Variants in DNAJB14 observed in about 807,000 individuals in gnomAD.
The protein encoded by DNAJB14 is dnaJ homolog subfamily B member 14.
In DNAJB14, 22 loss-of-function variants were observed where a neutral mutation model predicts 48.4. The ratio of observed to expected loss-of-function variants is 0.45; its 90% CI spans 0.32 to 0.65. The LOEUF is 0.65. DNAJB14 is among the 30% of genes least tolerant of loss of function. DNAJB14 has a pLI of 0.03. For missense variants in DNAJB14, 319 were observed against 458.8 expected, an observed-to-expected ratio of 0.70 and a Z score of 2.78; for synonymous variants, 142 against 158.7, an observed-to-expected ratio of 0.89 and a Z score of 0.79.
chr4:99,913,391 T>C (rs866445447), intron 3 of DNAJB14, among the ~76,000 whole-genome samples: 19 of 152,256 alleles, frequency 1.2e-4, no homozygotes, highest in Middle Eastern at 3.4e-3. Flanking sequence ...CATGAATGGG[T>C]GGTGAAATGT....
intron 7 of DNAJB14, 101 bp downstream of exon 7, chr4:99,903,625 G>C (rs1320517006): frequency 4.0e-6 from 5 of 1,258,348 alleles, no homozygotes; most frequent in Non-Finnish European, 5.5e-6. Flanking sequence ...CCAATTATGT[G>C]CCAGGGAATT....
intron 3 of DNAJB14, among the ~76,000 whole-genome samples, chr4:99,914,727 AT>A (rs1725790575): frequency 6.6e-6 from 1 of 152,190 alleles, no homozygotes; most frequent in African/African-American, 2.4e-5. Flanking sequence ...CTACAGGGCT[AT>A]TCACGTTATC....
rs573128133 is a variant in DNAJB14, at chr4:99,916,234, G to C, written c.451+6806C>G. On this transcript the variant is annotated intron_variant, in intron 3 of 7. Transcript: ENST00000442697. Reference sequence around the variant, plus strand: ...GGTCACTGCAGCCTCAACCCCCCAGGCTCAAGTGATTCTCCCACCTCAGCC... The same window carrying C: ...GGTCACTGCAGCCTCAACCCCCCAGCCTCAAGTGATTCTCCCACCTCAGCC... Among the ~76,000 whole-genome samples the C allele has an allele frequency of 1.1e-3, 169 of 152,196 alleles. 1 individual carries two copies. Among genetic ancestry groups the C allele is most frequent in the Non-Finnish European group, 1.7e-3 (117 of 68,004 alleles).
chr4:99,932,837 G>A (rs529841558), intron 1 of DNAJB14, among the ~76,000 whole-genome samples: 3 of 152,082 alleles, frequency 2.0e-5, no homozygotes, highest in Non-Finnish European at 1.5e-5. Context: ...CAACATGAAT[G>A]GACCTTGAAA....
At chr4:99,930,677 C>T in intron 1 of DNAJB14, 56 bp from the exon 2 acceptor site, 6 of 1,499,844 alleles carry the variant, frequency 4.0e-6, no homozygotes, top group Non-Finnish European at 5.4e-6. Context: ...TACACAAGAT[C>T]CTGAGAAGAA....
At chr4:99,930,813 G>T (rs1440199907) in intron 1 of DNAJB14, among the ~76,000 whole-genome samples, 192 bp from the exon 2 acceptor site, 1 of 152,162 alleles carries the variant, frequency 6.6e-6, no homozygotes, top group Non-Finnish European at 1.5e-5. Context: ...TCTAGAAGTA[G>T]AATGTTAAGT....
intron 3 of DNAJB14, among the ~76,000 whole-genome samples, chr4:99,921,250 T>C (rs762591219): frequency 6.6e-6 from 1 of 152,204 alleles, no homozygotes; most frequent in Non-Finnish European, 1.5e-5. Context: ...TATTGAACAA[T>C]GTATCCTCTC....
chr4:99,941,258 G>T (rs1263561855), intron 1 of DNAJB14, among the ~76,000 whole-genome samples: 2 of 152,144 alleles, frequency 1.3e-5, no homozygotes, highest in Non-Finnish European at 2.9e-5. Context: ...GGCAATGTAA[G>T]GGATGAAGTC....
At chr4:99,914,647 A>AAT (rs1553946500) in intron 3 of DNAJB14, among the ~76,000 whole-genome samples, 30 of 151,898 alleles carry the variant, frequency 2.0e-4, no homozygotes, top group Non-Finnish European at 3.8e-4. Context: ...GGATAATAAA[A>AAT]ATATATATAT....
chr4:99,945,303 A>G (rs28375729), intron 1 of DNAJB14, among the ~76,000 whole-genome samples: 18,014 of 152,224 alleles, frequency 0.12, 1,180 homozygotes, highest in East Asian at 0.24. Context: ...TGGAAAGGAT[A>G]GAGAGAAAAG....
intron 3 of DNAJB14, among the ~76,000 whole-genome samples, chr4:99,913,538 A>G (rs897993864): frequency 2.0e-5 from 3 of 151,502 alleles, no homozygotes; most frequent in Non-Finnish European, 4.4e-5. Context: ...TGTTTGGGGT[A>G]TATAATTCTT....
At position 99,903,801 on chromosome 4, in the gene DNAJB14, G is replaced by C. The variant is rs1205315516; in HGVS notation, c.940C>G (p.Gln314Glu). The C allele has an allele frequency of 6.2e-7, 1 of 1,612,632 alleles. No individual in the cohort carries two copies. The highest frequency in any genetic ancestry group is 8.5e-7 in the Non-Finnish European group (1 of 1,179,322). Reference sequence around the variant, plus strand: ...TCCTCCACACTCTTTTCTACCTTTTGTAATAACATTCCTTTATATTCATTT... The same window carrying C: ...TCCTCCACACTCTTTTCTACCTTTTCTAATAACATTCCTTTATATTCATTT... ...FKNEYKGMLL[Q>E]KVEKSVEEDY... The change falls in exon 7 of 8, where the codon CAA (glutamine) becomes GAA (glutamate). Residue 314 changes from glutamine to glutamate, a missense_variant. Gln to Glu is a conservative substitution (Grantham distance 29). This residue lies in a region of DNAJB14 where 166 missense variants were observed against 236.3 expected (regional missense o/e 0.70). Coordinates refer to ENST00000442697, the MANE Select transcript of DNAJB14 (RefSeq NM_001031723.4).
At chr4:99,942,548 T>C (rs1276132508) in intron 1 of DNAJB14, 3 of 152,076 alleles carry the variant, frequency 2.0e-5, no homozygotes, top group Non-Finnish European at 1.5e-5. Context: ...ATCAATACTT[T>C]AAAATATTTG....
At chr4:99,934,676 C>T (rs374615720) in intron 1 of DNAJB14, among the ~76,000 whole-genome samples, 41 of 149,840 alleles carry the variant, frequency 2.7e-4, no homozygotes, top group Admixed American at 3.3e-4. Flanking sequence ...GCCTGTAATC[C>T]CAGCTACCCG....
intron 3 of DNAJB14, among the ~76,000 whole-genome samples, chr4:99,922,049 T>C (rs1383533126): frequency 6.6e-6 from 1 of 152,188 alleles, no homozygotes; most frequent in Non-Finnish European, 1.5e-5. Flanking sequence ...CATGCCACTT[T>C]TACTTTAAGG....
chr4:99,899,624 C>A lies in DNAJB14; in HGVS notation c.*1404G>T, dbSNP rs1365516565. The A allele has an allele frequency of 6.6e-6, 1 of 152,212 alleles. No individual in the cohort carries two copies. The highest frequency in any genetic ancestry group is 1.5e-5 in the Non-Finnish European group (1 of 67,794). The allele number at this position is 152,212 out of a possible 1,614,324, so 9.4% of individuals were successfully genotyped here. On this transcript the variant is annotated 3_prime_UTR_variant, in exon 8 of 8. Transcript: ENST00000442697. ...CAGGAAAAAAAACTTAAACAAAGAACAAAGCCACCCTATCTAGCATTCTCT... is the reference window on the plus strand; with the variant it reads ...CAGGAAAAAAAACTTAAACAAAGAAAAAAGCCACCCTATCTAGCATTCTCT...
chr4:99,909,394 T>C (rs2110196843), intron 3 of DNAJB14, among the ~76,000 whole-genome samples: 1 of 152,190 alleles, frequency 6.6e-6, no homozygotes, highest in Middle Eastern at 3.4e-3. Flanking sequence ...ATGCAGCCCA[T>C]ACCAAAAATC....
intron 1 of DNAJB14, chr4:99,942,662 T>C (rs1270061565): frequency 1.3e-5 from 2 of 152,106 alleles, no homozygotes; most frequent in Non-Finnish European, 2.9e-5. Context: ...CTAGATCCAT[T>C]TGGGGATTAA....
chr4:99,919,137 G>C (rs1034639439), intron 3 of DNAJB14, among the ~76,000 whole-genome samples: 1 of 152,140 alleles, frequency 6.6e-6, no homozygotes, highest in Non-Finnish European at 1.5e-5. Context: ...GTTTGCAGTA[G>C]AGTGGCTACT....
Sources: allele counts gnomAD v4.1 joint callset (sites outside exome capture counted in the v4.1 genomes callset), GRCh38; gene constraint gnomAD v4.1.1; regional missense constraint gnomAD v4.1.1; transcripts MANE v1.5; gene names NCBI Gene and HGNC (gene_info 2026-07-23, HGNC 2026-07-21).